TBCA: variants seen among roughly 807,000 people sequenced by gnomAD.
TBCA encodes tubulin-specific chaperone A.
A neutral mutation model predicts 15.8 loss-of-function variants in TBCA; 6 were observed. The ratio of observed to expected loss-of-function variants is 0.38; its 90% CI spans 0.21 to 0.75. TBCA has a LOEUF of 0.75. Among genes scored for constraint, TBCA ranks in the 30% least tolerant of loss-of-function variants. TBCA has a pLI of 0.46. For missense variants in TBCA, 90 were observed against 131.2 expected (o/e 0.69, Z 1.53); for synonymous variants, 32 against 42.3 (o/e 0.76, Z 0.94).
chr5:77,708,835 CTGGGATTA>C (rs1381665654), intron 1 of TBCA, among the ~76,000 whole-genome samples: 1 of 152,104 alleles, frequency 6.6e-6, no homozygotes, highest in Non-Finnish European at 1.5e-5. Flanking sequence ...TCCCAAAGTG[CTGGGATTA>C]CAGGCATGAG....
chr5:77,703,138 A>C (rs773017751), intron 2 of TBCA, among the ~76,000 whole-genome samples: 4 of 152,240 alleles, frequency 2.6e-5, no homozygotes, highest in Non-Finnish European at 4.4e-5. Context: ...TGAATTTTAC[A>C]TTACTGTAAC....
intron 1 of TBCA, among the ~76,000 whole-genome samples, chr5:77,733,112 C>G (rs755114364): frequency 2.0e-5 from 3 of 152,152 alleles, no homozygotes; most frequent in Non-Finnish European, 4.4e-5. Flanking sequence ...GAAACCCCGT[C>G]TCTACTAAAA....
At chr5:77,733,682 G>T (rs919511523) in intron 1 of TBCA, among the ~76,000 whole-genome samples, 2 of 152,248 alleles carry the variant, frequency 1.3e-5, no homozygotes, top group Non-Finnish European at 2.9e-5. Context: ...ACATCAAAGT[G>T]CAAGGGGAAG....
intron 1 of TBCA, among the ~76,000 whole-genome samples, chr5:77,749,321 T>C (rs532282952): frequency 6.6e-6 from 1 of 152,350 alleles, no homozygotes; most frequent in South Asian, 2.1e-4. Context: ...AGTTATTATA[T>C]GCGTAATAAT....
chr5:77,717,920 G>T (rs963115765), intron 1 of TBCA, among the ~76,000 whole-genome samples: 4 of 151,282 alleles, frequency 2.6e-5, no homozygotes, highest in Non-Finnish European at 4.4e-5. Flanking sequence ...ACCTGAGGTC[G>T]GGAGTTCCAG....
intron 1 of TBCA, among the ~76,000 whole-genome samples, chr5:77,738,553 T>C (rs1235694990): frequency 6.6e-6 from 1 of 152,228 alleles, no homozygotes; most frequent in African/African-American, 2.4e-5. Context: ...CTTGTTGAAC[T>C]AGTCAGTTTG....
chr5:77,693,206 G>C, intron 3 of TBCA, 60 bp downstream of exon 3: 1 of 1,588,394 alleles, frequency 6.3e-7, no homozygotes, highest in South Asian at 1.1e-5. Flanking sequence ...TAAACTTTTG[G>C]CTTTCCATGT....
In TBCA at chr5:77,774,980, T is replaced by TAA. The variant is rs60670191; in HGVS notation, c.53+1223_53+1224dup. On this transcript the variant is annotated intron_variant, in intron 1 of 3. Transcript: ENST00000380377. ...TCCTGAATAAGATAGCTACAAAGATTAAAAAAAAAAAAAAAAAAGCTACAT... is the reference window on the plus strand; with the variant it reads ...TCCTGAATAAGATAGCTACAAAGATTAAAAAAAAAAAAAAAAAAAAGCTACAT... Among the ~76,000 whole-genome samples the TAA allele has an allele frequency of 2.1e-3, 297 of 143,410 alleles. 3 individuals carry two copies. The highest frequency in any genetic ancestry group is 5.4e-3 in the South Asian group (24 of 4,436). The allele number at this position is 143,410 out of a possible 152,430, so 94.1% of individuals were successfully genotyped here.
intron 1 of TBCA, among the ~76,000 whole-genome samples, chr5:77,746,234 G>C (rs933174115): frequency 6.6e-6 from 1 of 151,746 alleles, no homozygotes; most frequent in South Asian, 2.1e-4. Flanking sequence ...TTCCAGACTA[G>C]ACTGGGCAAC....
At chr5:77,773,280 T>C (rs1275832671) in intron 1 of TBCA, among the ~76,000 whole-genome samples, 1 of 152,212 alleles carries the variant, frequency 6.6e-6, no homozygotes, top group Admixed American at 6.5e-5. Flanking sequence ...AGTTGTAGAT[T>C]TGAAACCTTG....
At chr5:77,753,245 T>C (rs1465406000) in intron 1 of TBCA, among the ~76,000 whole-genome samples, 2 of 152,200 alleles carry the variant, frequency 1.3e-5, no homozygotes, top group African/African-American at 4.8e-5. Context: ...TACCAAAGAT[T>C]ACCAAAGTCA....
chr5:77,736,648 CT>C (rs747633603), intron 1 of TBCA, among the ~76,000 whole-genome samples: 1 of 152,042 alleles, frequency 6.6e-6, no homozygotes, highest in Non-Finnish European at 1.5e-5. Flanking sequence ...ATTTCTTTTT[CT>C]AAGAGGAAAT....
chr5:77,711,456 T>C (rs1746276531), intron 1 of TBCA, among the ~76,000 whole-genome samples: 1 of 152,180 alleles, frequency 6.6e-6, no homozygotes, highest in African/African-American at 2.4e-5. Context: ...CTTAAGTTCC[T>C]TGAAGAGAGG....
Position 77,701,802 on chromosome 5 carries a change from C to T in TBCA, c.159+6440G>A, listed in dbSNP as rs72772815. Among the ~76,000 whole-genome samples, 411 of 148,424 alleles carry T rather than the reference C, an allele frequency of 2.8e-3. 1 individual carries two copies. Among genetic ancestry groups the T allele is most frequent in the Non-Finnish European group, 4.9e-3 (329 of 67,378 alleles). Reference sequence around the variant, plus strand: ...CAACTTGGACGGGACTGGAGACTTACTCTAAGTGAGGTAACTCAGTATATA... The same window carrying T: ...CAACTTGGACGGGACTGGAGACTTATTCTAAGTGAGGTAACTCAGTATATA... On this transcript the variant is annotated intron_variant, in intron 2 of 3. Coordinates refer to ENST00000380377, the MANE Select transcript of TBCA (RefSeq NM_004607.3).
intron 1 of TBCA, among the ~76,000 whole-genome samples, chr5:77,758,142 A>G (rs1285056396): frequency 6.6e-6 from 1 of 152,130 alleles, no homozygotes; most frequent in Non-Finnish European, 1.5e-5. Flanking sequence ...TTGGGGTTTT[A>G]TATGTTGGCA....
chr5:77,742,544 T>C (rs1019001051), intron 1 of TBCA, among the ~76,000 whole-genome samples: 17 of 152,218 alleles, frequency 1.1e-4, no homozygotes, highest in Admixed American at 1.1e-3. Flanking sequence ...AACAAAGTTA[T>C]ATTTGTAGAA....
intron 3 of TBCA, chr5:77,692,887 C>A: frequency 8.6e-7 from 1 of 1,166,880 alleles, no homozygotes; most frequent in Non-Finnish European, 1.1e-6. Context: ...TAATAAGATC[C>A]CAAATTCTTT....
intron 3 of TBCA, chr5:77,692,851 G>A: frequency 4.5e-6 from 5 of 1,110,418 alleles, no homozygotes; most frequent in Non-Finnish European, 5.5e-6. Flanking sequence ...ATCTAGGTTT[G>A]AATGTGAAAG....
chr5:77,701,417 T>G (rs1393807115), intron 2 of TBCA, among the ~76,000 whole-genome samples: 1 of 151,854 alleles, frequency 6.6e-6, no homozygotes, highest in African/African-American at 2.4e-5. Context: ...ATAATAGATG[T>G]TGGTGTGCAT....
Sources: gnomAD v4.1 joint callset for allele counts (sites outside exome capture counted in the v4.1 genomes callset) on GRCh38, gnomAD v4.1.1 for gene constraint, MANE v1.5 for transcripts, NCBI Gene and HGNC (gene_info 2026-07-23, HGNC 2026-07-21) for gene names.